SSBP3: variants seen among roughly 807,000 people sequenced by gnomAD.
The protein encoded by SSBP3 is single stranded DNA binding protein 3.
A neutral mutation model predicts 69.6 loss-of-function variants in SSBP3; 5 were observed. The ratio of observed to expected loss-of-function variants is 0.07; its 90% confidence interval spans 0.04 to 0.15. SSBP3 has a LOEUF of 0.15. Among genes scored for constraint, SSBP3 ranks in the 10% least tolerant of loss-of-function variants. The probability of loss-of-function intolerance (pLI) is 1.00; values close to 1 mark genes in which losing one functional copy is unlikely to be tolerated. For missense variants in SSBP3, 312 were observed against 534.0 expected, an observed-to-expected ratio of 0.58 and a Z score of 4.10; for synonymous variants, 196 against 193.4, an observed-to-expected ratio of 1.01 and a Z score of -0.11.
At chr1:54,380,542 A>C (rs1647547264) in intron 4 of SSBP3, among the ~76,000 whole-genome samples, 1 of 152,200 alleles carries the variant, frequency 6.6e-6, no homozygotes, top group Non-Finnish European at 1.5e-5. Flanking sequence ...TCTGTATCTC[A>C]AGTCTGCAAG....
intron 4 of SSBP3, among the ~76,000 whole-genome samples, chr1:54,379,585 A>G (rs1647455408): frequency 6.6e-6 from 1 of 152,214 alleles, no homozygotes; most frequent in Non-Finnish European, 1.5e-5. Context: ...AACAAAGCAA[A>G]TCTGACATCC....
chr1:54,396,193 G>GAAAAAAAAAAAAAAAAAAAAA lies in SSBP3; in HGVS notation c.276+5647_276+5667dup, dbSNP rs59276509. On this transcript the variant is annotated intron_variant, in intron 4 of 17. Coordinates refer to ENST00000610401, the Ensembl canonical transcript of SSBP3. ...GGTGACAGAGTGAGACTCCATCTCA[G>GAAAAAAAAAAAAAAAAAAAAA]AAAAAAAAAAAAAAAAAAAAAAAAA... 2.2e-4 allele frequency among the ~76,000 whole-genome samples: 9 copies of GAAAAAAAAAAAAAAAAAAAAA among 40,578 alleles called. 1 individual carries two copies. Among genetic ancestry groups the GAAAAAAAAAAAAAAAAAAAAA allele is most frequent in the African/African-American group, 3.8e-4 (4 of 10,410 alleles). The allele number at this position is 40,578 out of a possible 152,430, so 26.6% of individuals were successfully genotyped here. A position where few individuals can be genotyped will look rare whatever the true frequency, so the allele number is the denominator to read the frequency against.
intron 7 of SSBP3, among the ~76,000 whole-genome samples, chr1:54,252,448 C>T (rs1035218753): frequency 3.3e-5 from 5 of 152,128 alleles, no homozygotes; most frequent in African/African-American, 1.2e-4. Flanking sequence ...TCACAGGTTG[C>T]AGAGCCAAGT....
intron 5 of SSBP3, among the ~76,000 whole-genome samples, chr1:54,260,205 A>G (rs74652117): frequency 2.0e-5 from 3 of 152,240 alleles, no homozygotes; most frequent in African/African-American, 7.2e-5. Flanking sequence ...AAGAAATATG[A>G]AAAGAACAGA....
chr1:54,363,919 G>A (rs1372167159), intron 4 of SSBP3, among the ~76,000 whole-genome samples: 1 of 152,208 alleles, frequency 6.6e-6, no homozygotes, highest in Admixed American at 6.5e-5. Flanking sequence ...CACCTCCCCA[G>A]CAACCAGAGG....
intron 3 of SSBP3, 105 bp downstream of exon 3, chr1:54,404,471 G>C: frequency 7.1e-7 from 1 of 1,401,784 alleles, no homozygotes; most frequent in Non-Finnish European, 1.0e-6. Flanking sequence ...GCAACGCAGA[G>C]GGCCACAGGG....
intron 9 of SSBP3, among the ~76,000 whole-genome samples, chr1:54,248,427 T>C (rs1010643214): frequency 4.6e-5 from 7 of 152,174 alleles, no homozygotes; most frequent in African/African-American, 1.7e-4. Context: ...CATGAGGCCA[T>C]CACTTGCTGC....
chr1:54,361,649 C>T (rs1194935167), intron 4 of SSBP3, among the ~76,000 whole-genome samples: 2 of 152,020 alleles, frequency 1.3e-5, no homozygotes. Context: ...TATCCCCTTG[C>T]GCTCCCCAAA....
intron 4 of SSBP3, among the ~76,000 whole-genome samples, chr1:54,309,459 T>C (rs1032154869): frequency 1.3e-5 from 2 of 152,234 alleles, no homozygotes; most frequent in African/African-American, 4.8e-5. Flanking sequence ...AAGCTGGTTC[T>C]CAAACAGCCA....
At chr1:54,266,487 G>A (rs1570305629) in intron 5 of SSBP3, among the ~76,000 whole-genome samples, 1 of 152,344 alleles carries the variant, frequency 6.6e-6, no homozygotes, top group Non-Finnish European at 1.5e-5. Flanking sequence ...GGCCCACAAA[G>A]TCTAAGATTA....
intron 4 of SSBP3, among the ~76,000 whole-genome samples, chr1:54,374,641 C>A (rs1334682211): frequency 2.6e-5 from 4 of 152,150 alleles, no homozygotes; most frequent in Non-Finnish European, 5.9e-5. Context: ...TCAGGTGGAA[C>A]AAGCTGTCCC....
At chr1:54,406,222 G>C (rs990110628) in exon 1 of SSBP3, 8 of 415,708 alleles carry the variant, frequency 1.9e-5, no homozygotes, top group Non-Finnish European at 2.9e-5. Flanking sequence ...CCCCGGCCGC[G>C]GCCCCATCGC....
Position 54,348,033 on chromosome 1 carries a change from G to A in SSBP3, c.276+53828C>T, listed in dbSNP as rs984325230. ...CACCCCTTTCCTCACTGTGTGCACTGTTGCCACTTCAGGATTATATGACTC... is the reference window on the plus strand; with the variant it reads ...CACCCCTTTCCTCACTGTGTGCACTATTGCCACTTCAGGATTATATGACTC... On this transcript the variant is annotated intron_variant, in intron 4 of 17. Coordinates refer to ENST00000610401, the Ensembl canonical transcript of SSBP3. Among the ~76,000 whole-genome samples the A allele has an allele frequency of 2.6e-5, 4 of 152,076 alleles. No individual in the cohort carries two copies. In the South Asian group the frequency reaches 8.3e-4, roughly 31 times the overall value.
intron 3 of SSBP3, among the ~76,000 whole-genome samples, chr1:54,403,222 G>C (rs1445245305): frequency 6.6e-6 from 1 of 152,300 alleles, no homozygotes; most frequent in East Asian, 1.9e-4. Flanking sequence ...AGAAGTTTCA[G>C]GAGATTCTGG....
At chr1:54,408,156 A>C (rs570635296), upstream of SSBP3, among the ~76,000 whole-genome samples, 1 of 152,240 alleles carries the variant, frequency 6.6e-6, no homozygotes, top group South Asian at 2.1e-4. Flanking sequence ...CACAGGGGAA[A>C]GGGGCAGAAA....
chr1:54,330,499 C>T (rs1004334102), intron 4 of SSBP3, among the ~76,000 whole-genome samples: 5 of 152,198 alleles, frequency 3.3e-5, no homozygotes, highest in African/African-American at 9.7e-5. Context: ...ATGAATCCAC[C>T]GCCTAGCAGT....
At chr1:54,407,749 ATTTTTTTTTT>A (rs532968816), upstream of SSBP3, among the ~76,000 whole-genome samples, 348 of 97,532 alleles carry the variant, frequency 3.6e-3, 1 homozygote, top group East Asian at 0.047. Flanking sequence ...GCCTAGGTTG[ATTTTTTTTTT>A]TTTTTTTTTT....
intron 14 of SSBP3, chr1:54,238,696 G>A (rs41294800): frequency 2.5e-4 from 78 of 310,952 alleles, no homozygotes; most frequent in Non-Finnish European, 4.4e-4. Context: ...ACAGGCAGGC[G>A]GGTCCCCCAG....
chr1:54,371,476 G>A (rs1348013855), intron 4 of SSBP3, among the ~76,000 whole-genome samples: 1 of 152,172 alleles, frequency 6.6e-6, no homozygotes, highest in African/African-American at 2.4e-5. Flanking sequence ...TGCCTGCTGG[G>A]GCCTTCCTCT....
Sources: gnomAD v4.1 joint callset for allele counts (sites outside exome capture counted in the v4.1 genomes callset) on GRCh38, gnomAD v4.1.1 for gene constraint, MANE v1.5 for transcripts, NCBI Gene and HGNC (gene_info 2026-07-23, HGNC 2026-07-21) for gene names.